The following NLK variants were observed in gnomAD, a reference collection of about 807,000 sequenced individuals.
NLK encodes serine/threonine-protein kinase NLK.
Under a neutral mutation model 59.0 loss-of-function variants are expected in NLK, and 11 were observed. The observed-to-expected ratio is 0.19, with a 90% CI of 0.12 to 0.31. The LOEUF (loss-of-function observed/expected upper bound fraction) is 0.31. Ranked by LOEUF, NLK falls within the 10% of genes least tolerant of loss-of-function variation. NLK has a pLI of 1.00. For synonymous variants in NLK, 235 were observed against 235.9 expected, an observed-to-expected ratio of 1.00 and a Z score of 0.03; for missense variants, 410 against 661.1, an observed-to-expected ratio of 0.62 and a Z score of 4.16.
At chr17:28,085,220 G>T (rs1910471763) in intron 1 of NLK, among the ~76,000 whole-genome samples, 1 of 152,124 alleles carries the variant, frequency 6.6e-6, no homozygotes, top group Non-Finnish European at 1.5e-5. Context: ...CCAGCCCCTG[G>T]TGACACTATT....
intron 3 of NLK, among the ~76,000 whole-genome samples, chr17:28,137,493 T>C (rs1312187721): frequency 1.3e-5 from 2 of 152,146 alleles, no homozygotes; most frequent in Non-Finnish European, 2.9e-5. Context: ...TATCACATAT[T>C]CAAGTTTTAA....
At chr17:28,061,835 TATACATATATATA>T (rs1315908472) in intron 1 of NLK, 5 of 145,632 alleles carry the variant, frequency 3.4e-5, no homozygotes, top group African/African-American at 1.3e-4. Context: ...CATATATACA[TATACATATATATA>T]ATATATAATA....
intron 1 of NLK, among the ~76,000 whole-genome samples, chr17:28,073,421 G>GGGAAAACT (rs1288531893): frequency 6.6e-6 from 1 of 152,134 alleles, no homozygotes; most frequent in Non-Finnish European, 1.5e-5. Flanking sequence ...AGTAACTCCA[G>GGGAAAACT]GGAAAACTGT....
At chr17:28,071,726 T>C (rs1910013171) in intron 1 of NLK, among the ~76,000 whole-genome samples, 1 of 152,220 alleles carries the variant, frequency 6.6e-6, no homozygotes, top group Non-Finnish European at 1.5e-5. Flanking sequence ...AATCCTGCTG[T>C]ATCCTACGTG....
intron 3 of NLK, among the ~76,000 whole-genome samples, chr17:28,134,593 G>A (rs1906659021): frequency 6.6e-6 from 1 of 152,128 alleles, no homozygotes; most frequent in African/African-American, 2.4e-5. Context: ...TATCCTCCAA[G>A]GGTCCTGGAA....
In NLK at chr17:28,122,378, T is replaced by G. The variant is rs34673346; in HGVS notation, c.459-225T>G. On this transcript the variant is annotated intron_variant, in intron 1 of 10. Coordinates refer to ENST00000407008, the MANE Select transcript of NLK (RefSeq NM_016231.5). ...TTATAGAAATTTAGACAGGGATTTT[T>G]TTTTTTTTAAAGCATGGCAGATGAG... 5.8e-3 allele frequency among the ~76,000 whole-genome samples: 877 copies of G among 152,326 alleles called. 6 individuals carry two copies. The highest frequency in any genetic ancestry group is 0.02 in the African/African-American group (825 of 41,570).
chr17:28,085,929 G>A (rs1483582416), intron 1 of NLK, among the ~76,000 whole-genome samples: 1 of 152,152 alleles, frequency 6.6e-6, no homozygotes, highest in African/African-American at 2.4e-5. Flanking sequence ...GCCTAGGTGT[G>A]TAGTAGGCTA....
chr17:28,192,815 C>CCTGTCCTGGAGTTAGACGTGGTCAT (rs1262154329), intron 10 of NLK, among the ~76,000 whole-genome samples: 1 of 152,216 alleles, frequency 6.6e-6, no homozygotes, highest in East Asian at 1.9e-4. Flanking sequence ...ATGGTGGCCA[C>CCTGTCCTGGAGTTAGACGTGGTCAT]CTGTCCTGGA....
chr17:28,148,688 C>T (rs1345279520), intron 3 of NLK, among the ~76,000 whole-genome samples: 1 of 152,140 alleles, frequency 6.6e-6, no homozygotes, highest in Non-Finnish European at 1.5e-5. Flanking sequence ...ATGAGGTGAC[C>T]TATGTTAAAA....
chr17:28,139,941 T>A (rs1906916125), intron 3 of NLK, among the ~76,000 whole-genome samples: 1 of 152,116 alleles, frequency 6.6e-6, no homozygotes, highest in African/African-American at 2.4e-5. Flanking sequence ...TGAGGTAGTG[T>A]GGGACTTTAA....
At chr17:28,175,173 C>T (rs1049137572) in intron 7 of NLK, among the ~76,000 whole-genome samples, 3 of 151,730 alleles carry the variant, frequency 2.0e-5, no homozygotes, top group African/African-American at 4.8e-5. Flanking sequence ...CAGCCGGGCG[C>T]GGCGGCTCAC....
chr17:28,061,863 CATATACATATATATAAT>C (rs1216266697), intron 1 of NLK: 2 of 138,150 alleles, frequency 1.4e-5, no homozygotes, highest in African/African-American at 5.4e-5. Context: ...ATAATATATA[CATATACATATATATAAT>C]ATATACATAT....
chr17:28,122,464 A>T (rs752368336), intron 1 of NLK, 139 bp from the exon 2 acceptor site: 26 of 799,884 alleles, frequency 3.3e-5, no homozygotes, highest in Non-Finnish European at 4.3e-5. Flanking sequence ...TCTCACTGAC[A>T]CCTTAAGCTT....
In NLK at chr17:28,058,486, AC is replaced by A. The variant is rs375223489; in HGVS notation, c.458+15157del. On this transcript the variant is annotated intron_variant, in intron 1 of 10. Transcript: ENST00000407008. The stretch of plus-strand genomic sequence containing the variant: ...ACCACTTGTGACATGTTCTCTACCC[AC>A]CGATCCACTAAAAATGATGAGAGTT... 4.8e-3 allele frequency among the ~76,000 whole-genome samples: 724 copies of A among 152,256 alleles called. 6 individuals carry two copies. The highest frequency in any genetic ancestry group is 7.5e-3 in the Non-Finnish European group (513 of 68,022).
chr17:28,065,752 G>C (rs1909803735), intron 1 of NLK, among the ~76,000 whole-genome samples: 1 of 152,062 alleles, frequency 6.6e-6, no homozygotes, highest in African/African-American at 2.4e-5. Context: ...CTTGCTTGAG[G>C]CTCATTACTA....
chr17:28,204,923 C>T, the NLK span, among the ~76,000 whole-genome samples: 3 of 152,226 alleles, frequency 2.0e-5, no homozygotes, highest in Non-Finnish European at 4.4e-5. Flanking sequence ...GAAGAATTCC[C>T]CTGTGGTCAC....
chr17:28,151,239 A>G (rs1481045950), intron 3 of NLK, among the ~76,000 whole-genome samples: 2 of 152,192 alleles, frequency 1.3e-5, no homozygotes, highest in Admixed American at 6.6e-5. Flanking sequence ...TCTGGGAGAC[A>G]TTATGCTGGG....
At chr17:28,141,520 C>T (rs2095926623) in intron 3 of NLK, among the ~76,000 whole-genome samples, 1 of 152,110 alleles carries the variant, frequency 6.6e-6, no homozygotes, top group Admixed American at 6.6e-5. Flanking sequence ...ATTTGTGCAG[C>T]TTTACAGTAG....
intron 8 of NLK, among the ~76,000 whole-genome samples, chr17:28,186,976 T>C (rs1222920185): frequency 6.6e-6 from 1 of 152,190 alleles, no homozygotes; most frequent in African/African-American, 2.4e-5. Context: ...TTACTATCAT[T>C]TGATATTTTG....
Sources: allele counts gnomAD v4.1 joint callset (sites outside exome capture counted in the v4.1 genomes callset), GRCh38; gene constraint gnomAD v4.1.1; transcripts MANE v1.5; gene names NCBI Gene and HGNC (gene_info 2026-07-23, HGNC 2026-07-21).